The following AQR variants were observed in gnomAD, a reference collection of about 807,000 sequenced individuals.
AQR encodes the protein aquarius intron-binding spliceosomal factor, also known as RNA helicase aquarius.
In AQR, 61 loss-of-function variants were observed where a neutral mutation model predicts 180.5. That is an observed-to-expected ratio of 0.34 (90% CI 0.28 to 0.42). The LOEUF is 0.42. Ranked by LOEUF, AQR falls within the 10% of genes least tolerant of loss-of-function variation. The pLI, the probability that AQR is intolerant of heterozygous loss-of-function variation, is 1.00. For synonymous variants in AQR, 551 were observed against 588.8 expected (o/e 0.94, Z 0.93); for missense variants, 1,281 against 1,798.3 (o/e 0.71, Z 5.20).
At chr15:34,939,619 T>C (rs1186604782) in intron 8 of AQR, among the ~76,000 whole-genome samples, 1 of 152,196 alleles carries the variant, frequency 6.6e-6, no homozygotes, top group African/African-American at 2.4e-5. Flanking sequence ...TGAACAGACA[T>C]GTATCAAGTA....
At chr15:34,892,056 C>G (rs1033719117) in intron 23 of AQR, among the ~76,000 whole-genome samples, 18 of 152,186 alleles carry the variant, frequency 1.2e-4, no homozygotes, top group African/African-American at 4.1e-4. Context: ...TCTGTATATA[C>G]CAACTCAAAG....
chr15:34,944,222 C>A (rs1894074247), intron 6 of AQR, 66 bp downstream of exon 6: 1 of 1,443,244 alleles, frequency 6.9e-7, no homozygotes. Context: ...GAGGTAATTT[C>A]ATCTAAACTC....
intron 3 of AQR, among the ~76,000 whole-genome samples, chr15:34,957,924 C>T (rs977026092): frequency 1.3e-5 from 2 of 151,562 alleles, no homozygotes; most frequent in African/African-American, 4.8e-5. Flanking sequence ...AATAACATAG[C>T]GGTGGCCGGG....
intron 1 of AQR, among the ~76,000 whole-genome samples, chr15:34,965,124 GAC>G (rs1358746251): frequency 6.6e-6 from 1 of 152,138 alleles, no homozygotes; most frequent in East Asian, 1.9e-4. Flanking sequence ...ACCTGATGGT[GAC>G]AATTGCTTTC....
At position 34,936,972 on chromosome 15, in the gene AQR, G is replaced by A. The variant is rs930370730; in HGVS notation, c.718+1765C>T. Among the ~76,000 whole-genome samples, 6 of 152,302 alleles carry A rather than the reference G, an allele frequency of 3.9e-5. No individual in the cohort carries two copies. In the South Asian group the frequency reaches 6.2e-4, roughly 16 times the overall value. On this transcript the variant is annotated intron_variant, in intron 9 of 34. Transcript: ENST00000156471. ...TCTTAGTCCTCTTTCCAGGTTTGAA[G>A]GCACTTAGTGGAAAGATTTAGATAT... is the stretch of plus-strand genomic sequence containing the variant.
chr15:34,896,501 G>A (rs1049030912), intron 22 of AQR, among the ~76,000 whole-genome samples: 6 of 148,578 alleles, frequency 4.0e-5, no homozygotes, highest in African/African-American at 1.0e-4. Flanking sequence ...GAAATAGAAC[G>A]CATTCTAAAA....
At chr15:34,862,502 A>C (rs1219325928) in intron 33 of AQR, among the ~76,000 whole-genome samples, 2 of 152,194 alleles carry the variant, frequency 1.3e-5, no homozygotes, top group African/African-American at 4.8e-5. Flanking sequence ...GTATGTAAAG[A>C]ACTGCCTGCC....
At chr15:34,908,815 CA>C in intron 17 of AQR, among the ~76,000 whole-genome samples, 1 of 152,228 alleles carries the variant, frequency 6.6e-6, no homozygotes, top group South Asian at 2.1e-4. Context: ...TTAAAATAAA[CA>C]AAATTCCAAC....
intron 17 of AQR, among the ~76,000 whole-genome samples, chr15:34,909,274 T>A (rs535674719): frequency 2.0e-5 from 3 of 152,324 alleles, no homozygotes; most frequent in Admixed American, 2.0e-4. Context: ...GGGCTTTAAG[T>A]AAGACCTCTC....
At chr15:34,908,875 C>T (rs949981185) in intron 17 of AQR, among the ~76,000 whole-genome samples, 1 of 152,134 alleles carries the variant, frequency 6.6e-6, no homozygotes, top group Non-Finnish European at 1.5e-5. Context: ...GTTTATTACC[C>T]ACAGTGTTTA....
intron 6 of AQR, 76 bp downstream of exon 6, chr15:34,944,212 G>A (rs1440345625): frequency 5.1e-6 from 7 of 1,372,136 alleles, no homozygotes; most frequent in Non-Finnish European, 6.9e-6. Flanking sequence ...GTTGGCTACA[G>A]AGGTAATTTC....
chr15:34,946,581 G>T (rs1430473096), intron 5 of AQR, among the ~76,000 whole-genome samples: 3 of 148,498 alleles, frequency 2.0e-5, no homozygotes, highest in East Asian at 4.1e-4. Context: ...AGGGAGGTGG[G>T]GGGGGTCAGC....
At chr15:34,861,289 G>A (rs572449212) in intron 33 of AQR, among the ~76,000 whole-genome samples, 8 of 152,296 alleles carry the variant, frequency 5.3e-5, no homozygotes, top group East Asian at 1.9e-4. Flanking sequence ...GTCAGAACTC[G>A]TATGTACAAA....
chr15:34,852,458 ACTGC>A lies in AQR; in HGVS notation c.*4330_*4333del, dbSNP rs1892528845. The A allele has an allele frequency of 1.3e-5, 2 of 152,284 alleles. No homozygotes were observed. Among genetic ancestry groups the A allele is most frequent in the Non-Finnish European group, 2.9e-5 (2 of 68,078 alleles). 9.4% of individuals were successfully genotyped at this position (152,284 alleles called of 1,614,324 possible). The stretch of plus-strand genomic sequence containing the variant: ...AGTGCTGGGATTACAGGCGTGAGCC[ACTGC>A]ACCCGGCTCGTGTTCTAAGGAAATA... On this transcript the variant is annotated 3_prime_UTR_variant, in exon 35 of 35. Coordinates refer to ENST00000156471, the MANE Select transcript of AQR (RefSeq NM_014691.3).
chr15:34,948,241 A>T, intron 5 of AQR, 23 bp downstream of exon 5: 1 of 1,612,378 alleles, frequency 6.2e-7, no homozygotes. Context: ...TATGAAAGCT[A>T]TGAAGTACTT....
chr15:34,942,159 CTTT>C (rs2140497457), intron 6 of AQR, 79 bp from the exon 7 acceptor site: 2 of 1,008,888 alleles, frequency 2.0e-6, no homozygotes, highest in Non-Finnish European at 2.9e-6. Context: ...AGTATACTGC[CTTT>C]TTAAGTCCTG....
At position 34,928,316 on chromosome 15, in the gene AQR, C is replaced by A. The variant is rs937657726; in HGVS notation, c.1015-1178G>T. Among the ~76,000 whole-genome samples the A allele has an allele frequency of 8.6e-5, 13 of 152,012 alleles. 3 individuals carry two copies. Among genetic ancestry groups the A allele is most frequent in the Admixed American group, 2.6e-4 (4 of 15,234 alleles). Reference sequence around the variant, plus strand: ...CATGTGCCATGGTGGTTTGCTGCACCTATTGACCTGTCCTCTAAATTCCCT... The same window carrying A: ...CATGTGCCATGGTGGTTTGCTGCACATATTGACCTGTCCTCTAAATTCCCT... On this transcript the variant is annotated intron_variant, in intron 12 of 34. Coordinates refer to ENST00000156471, the MANE Select transcript of AQR (RefSeq NM_014691.3).
chr15:34,877,778 T>A (rs994655012), intron 27 of AQR, among the ~76,000 whole-genome samples: 4 of 152,220 alleles, frequency 2.6e-5, no homozygotes, highest in African/African-American at 7.2e-5. Context: ...ATTAGTCAGA[T>A]CATTCATTCA....
At chr15:34,871,956 TAA>T (rs11321995) in intron 30 of AQR, among the ~76,000 whole-genome samples, 16 of 136,426 alleles carry the variant, frequency 1.2e-4, no homozygotes, top group East Asian at 2.1e-4. Context: ...ACACAATATT[TAA>T]AAAAAAAAAA....
Sources: gnomAD v4.1 joint callset for allele counts (sites outside exome capture counted in the v4.1 genomes callset) on GRCh38, gnomAD v4.1.1 for gene constraint, MANE v1.5 for transcripts, NCBI Gene and HGNC (gene_info 2026-07-23, HGNC 2026-07-21) for gene names.